CBL: variants seen among roughly 807,000 people sequenced by gnomAD.
CBL encodes the protein E3 ubiquitin-protein ligase CBL.
Under a neutral mutation model 96.9 loss-of-function variants are expected in CBL, and 45 were observed. The observed-to-expected ratio is 0.46, with a 90% CI of 0.37 to 0.60. The LOEUF (loss-of-function observed/expected upper bound fraction) is 0.60. CBL is among the 20% of genes least tolerant of loss of function. The pLI, the probability that CBL is intolerant of heterozygous loss-of-function variation, is 0.00. For synonymous variants in CBL, 420 were observed against 426.8 expected, an observed-to-expected ratio of 0.98 and a Z score of 0.20; for missense variants, 1,024 against 1,143.5, an observed-to-expected ratio of 0.90 and a Z score of 1.51.
intron 6 of CBL, among the ~76,000 whole-genome samples, chr11:119,276,573 A>T (rs1949891013): frequency 6.6e-6 from 1 of 152,208 alleles, no homozygotes; most frequent in Non-Finnish European, 1.5e-5. Context: ...GCCTTGGGCT[A>T]CTGTAACCTA....
intron 2 of CBL, among the ~76,000 whole-genome samples, chr11:119,233,195 G>A (rs927013558): frequency 6.6e-6 from 1 of 152,132 alleles, no homozygotes; most frequent in African/African-American, 2.4e-5. Context: ...AGGTAGAGGT[G>A]AATGCAGTTA....
At chr11:119,262,226 C>T (rs144812706) in intron 2 of CBL, among the ~76,000 whole-genome samples, 170 of 152,208 alleles carry the variant, frequency 1.1e-3, no homozygotes, top group African/African-American at 3.7e-3. Context: ...ACTTGAACAG[C>T]GCTCAGAACT....
At chr11:119,295,681 C>T (rs1357157609) in intron 12 of CBL, among the ~76,000 whole-genome samples, 1 of 152,138 alleles carries the variant, frequency 6.6e-6, no homozygotes, top group Non-Finnish European at 1.5e-5. Flanking sequence ...GGGTTGTCAT[C>T]ATGCCACTGT....
rs553771334 is a variant in CBL, at chr11:119,223,234, T to C, written c.196-9214T>C. Among the ~76,000 whole-genome samples, 18 of 141,872 alleles carry C rather than the reference T, an allele frequency of 1.3e-4. No individual in the cohort carries two copies. The South Asian group carries it at 4.5e-3, about 35-fold the overall frequency. 93.1% of individuals were successfully genotyped at this position (141,872 alleles called of 152,430 possible). On this transcript the variant is annotated intron_variant, in intron 1 of 15. Coordinates refer to ENST00000264033, the MANE Select transcript of CBL (RefSeq NM_005188.4). The stretch of plus-strand genomic sequence containing the variant: ...TTTTTTAAAGAGACAGATCTTGCCA[T>C]CTTGCCCAGCTGGTCTCAAACTCCT...
At chr11:119,221,819 A>G (rs937661201) in intron 1 of CBL, among the ~76,000 whole-genome samples, 15 of 152,072 alleles carry the variant, frequency 9.9e-5, no homozygotes, top group East Asian at 1.9e-4. Context: ...AACTTCTTCA[A>G]GTTTCTGAGA....
At chr11:119,296,827 G>T in intron 12 of CBL, 91 bp from the exon 13 acceptor site, 1 of 729,490 alleles carries the variant, frequency 1.4e-6, no homozygotes, top group South Asian at 1.4e-5. Context: ...TGTTCAATTT[G>T]AGTTATGTCT....
intron 1 of CBL, among the ~76,000 whole-genome samples, chr11:119,212,668 A>G (rs117820415): frequency 0.053 from 8,019 of 151,918 alleles, 395 homozygotes; most frequent in East Asian, 0.22. Flanking sequence ...ATAAATAAAT[A>G]AATTTTATTT....
At chr11:119,266,724 T>C (rs899818338) in intron 2 of CBL, among the ~76,000 whole-genome samples, 1 of 152,028 alleles carries the variant, frequency 6.6e-6, no homozygotes, top group Non-Finnish European at 1.5e-5. Flanking sequence ...AGAGTAGAAT[T>C]TGTAGTTCCG....
At chr11:119,212,613 C>T (rs1221446816) in intron 1 of CBL, among the ~76,000 whole-genome samples, 1 of 151,190 alleles carries the variant, frequency 6.6e-6, no homozygotes, top group East Asian at 1.9e-4. Flanking sequence ...GCAAGAAGAG[C>T]AAAACTCTGT....
intron 2 of CBL, among the ~76,000 whole-genome samples, chr11:119,238,924 G>A (rs952009301): frequency 3.3e-5 from 5 of 152,078 alleles, no homozygotes; most frequent in Admixed American, 6.6e-5. Flanking sequence ...ACTGTTTTCC[G>A]CTACATGAAT....
chr11:119,294,425 CA>C (rs762939448), intron 12 of CBL, among the ~76,000 whole-genome samples: 240 of 129,728 alleles, frequency 1.9e-3, no homozygotes, highest in Admixed American at 2.3e-3. Flanking sequence ...TCTCCGTCTC[CA>C]AAAAAAAAAA....
At position 119,297,015 on chromosome 11, in the gene CBL, G is replaced by A. The variant is rs1383138888; in HGVS notation, c.2134G>A (p.Asp712Asn). The A allele has an allele frequency of 1.9e-6, 3 of 1,586,160 alleles. No homozygotes were observed. Among genetic ancestry groups the A allele is most frequent in the Non-Finnish European group, 1.7e-6 (2 of 1,154,460 alleles). ...CTCTTCCAGGCCTCTACGGCCTTTG[G>A]ATACATCCCAGAGTTCACGGTAGGT... is the stretch of plus-strand genomic sequence containing the variant. Reference protein sequence around the residue: ...TPSSRPLRPLDTSQSSRACDC... With the variant: ...TPSSRPLRPLNTSQSSRACDC... Residue 712 changes from aspartate (D) to asparagine (N), a missense_variant, in exon 13 of 16, where the codon GAT becomes AAT. Around this residue, in one of 4 missense-constraint regions of CBL, gnomAD observed 695 missense variants for 661.6 expected, o/e 1.05. Transcript: ENST00000264033.
At chr11:119,281,687 CAG>C (rs1949935601) in intron 9 of CBL, among the ~76,000 whole-genome samples, 1 of 151,860 alleles carries the variant, frequency 6.6e-6, no homozygotes, top group African/African-American at 2.4e-5. Flanking sequence ...TTAGTAGAAA[CAG>C]GGTTTCACCA....
At chr11:119,223,140 T>C (rs549632217) in intron 1 of CBL, among the ~76,000 whole-genome samples, 2 of 150,098 alleles carry the variant, frequency 1.3e-5, no homozygotes, top group African/African-American at 4.9e-5. Flanking sequence ...ATCATGCCAC[T>C]GTGCTCCAGC....
chr11:119,256,571 A>G (rs944271179), intron 2 of CBL, among the ~76,000 whole-genome samples: 2 of 152,098 alleles, frequency 1.3e-5, no homozygotes, highest in African/African-American at 4.8e-5. Context: ...TAAAAATTTC[A>G]GTAACTTTAG....
At position 119,228,707 on chromosome 11, in the gene CBL, G is replaced by A. The variant is rs111816451; in HGVS notation, c.196-3741G>A. On this transcript the variant is annotated intron_variant, in intron 1 of 15. Coordinates refer to ENST00000264033, the MANE Select transcript of CBL (RefSeq NM_005188.4). ...ATGATCATAGTACACTGCAGCCTCA[G>A]ACTCTTGGACTCACTCAAGCAATCC... Among the ~76,000 whole-genome samples the A allele has an allele frequency of 2.3e-3, 356 of 151,666 alleles. 3 individuals are homozygous for A. Among genetic ancestry groups the A allele is most frequent in the Non-Finnish European group, 3.5e-3 (238 of 67,936 alleles).
intron 1 of CBL, among the ~76,000 whole-genome samples, chr11:119,212,999 A>G (rs975586548): frequency 2.6e-5 from 4 of 151,404 alleles, no homozygotes; most frequent in Non-Finnish European, 5.9e-5. Context: ...AAAAAAATAG[A>G]GACAGAATCT....
At chr11:119,269,938 A>G (rs1211319360) in intron 2 of CBL, among the ~76,000 whole-genome samples, 1 of 152,144 alleles carries the variant, frequency 6.6e-6, no homozygotes, top group Admixed American at 6.5e-5. Context: ...CGGAGCTTGC[A>G]GTGAGCCGAG....
chr11:119,236,997 G>C (rs1172232082), intron 2 of CBL, among the ~76,000 whole-genome samples: 1 of 152,162 alleles, frequency 6.6e-6, no homozygotes, highest in Non-Finnish European at 1.5e-5. Context: ...ATGCCCTTCA[G>C]AGTAGTGTGA....
Sources: allele counts gnomAD v4.1 joint callset (sites outside exome capture counted in the v4.1 genomes callset), GRCh38; gene constraint gnomAD v4.1.1; regional missense constraint gnomAD v4.1.1; transcripts MANE v1.5; gene names NCBI Gene and HGNC (gene_info 2026-07-23, HGNC 2026-07-21).